The following DDX10 variants were observed in gnomAD, a reference collection of about 807,000 sequenced individuals.
DDX10 encodes the protein probable ATP-dependent RNA helicase DDX10.
In DDX10, 74 loss-of-function variants were observed where a neutral mutation model predicts 104.3. The ratio of observed to expected loss-of-function variants is 0.71; its 90% confidence interval spans 0.59 to 0.86. The LOEUF is 0.86. DDX10 is among the 40% of genes least tolerant of loss of function. The pLI, the probability that DDX10 is intolerant of heterozygous loss-of-function variation, is 0.00. For synonymous variants in DDX10, 351 were observed against 353.4 expected (o/e 0.99, Z 0.08); for missense variants, 952 against 1,040.0 (o/e 0.92, Z 1.16).
At chr11:108,702,989 TATA>T (rs1392401520) in intron 9 of DDX10, among the ~76,000 whole-genome samples, 7 of 152,216 alleles carry the variant, frequency 4.6e-5, no homozygotes. Flanking sequence ...ATAAATTAAA[TATA>T]GTATTGATAT....
chr11:108,804,758 C>T lies in DDX10; in HGVS notation c.1966-33688C>T, dbSNP rs150223547. ...GCATTTCTTTTGACAGCTGTATGAC[C>T]GAAGCCTTCACTTTTTGCTGGCTGT... On this transcript the variant is annotated intron_variant, in intron 13 of 17. Coordinates refer to ENST00000322536, the MANE Select transcript of DDX10 (RefSeq NM_004398.4). Among the ~76,000 whole-genome samples the T allele has an allele frequency of 4.2e-3, 645 of 152,194 alleles. 1 individual carries two copies. Among genetic ancestry groups the T allele is most frequent in the African/African-American group, 0.014 (601 of 41,504 alleles).
At chr11:108,737,920 T>C (rs2094320361) in intron 13 of DDX10, among the ~76,000 whole-genome samples, 1 of 152,190 alleles carries the variant, frequency 6.6e-6, no homozygotes, top group African/African-American at 2.4e-5. Flanking sequence ...CATTTTCATA[T>C]GCACTGATTT....
chr11:108,800,576 G>A (rs1238044281), intron 13 of DDX10, among the ~76,000 whole-genome samples: 1 of 151,910 alleles, frequency 6.6e-6, no homozygotes, highest in Non-Finnish European at 1.5e-5. Context: ...TAGAGTTAAA[G>A]CTCCTAATGA....
chr11:108,880,831 A>G (rs1863218615), intron 16 of DDX10, among the ~76,000 whole-genome samples: 1 of 152,218 alleles, frequency 6.6e-6, no homozygotes, highest in Admixed American at 6.5e-5. Context: ...AGTGGTACTT[A>G]AAGCTGTATT....
chr11:108,915,705 A>G (rs1031520915), intron 16 of DDX10, among the ~76,000 whole-genome samples: 3 of 152,152 alleles, frequency 2.0e-5, no homozygotes, highest in African/African-American at 7.2e-5. Context: ...TTCAGTTTTC[A>G]TATGACAACT....
chr11:108,797,807 C>A (rs1245977286), intron 13 of DDX10, among the ~76,000 whole-genome samples: 1 of 152,152 alleles, frequency 6.6e-6, no homozygotes, highest in African/African-American at 2.4e-5. Flanking sequence ...TAAAACAATT[C>A]TTTGATTTCT....
At chr11:108,890,876 C>G (rs1863367130) in intron 16 of DDX10, among the ~76,000 whole-genome samples, 2 of 152,254 alleles carry the variant, frequency 1.3e-5, no homozygotes, top group African/African-American at 4.8e-5. Flanking sequence ...CCTGTAGCAG[C>G]TGAGGTTAAG....
intron 9 of DDX10, among the ~76,000 whole-genome samples, chr11:108,694,227 A>G (rs1334900345): frequency 6.6e-6 from 1 of 152,190 alleles, no homozygotes; most frequent in Non-Finnish European, 1.5e-5. Context: ...CTGAAACCAC[A>G]GAAAGCGAAA....
intron 16 of DDX10, among the ~76,000 whole-genome samples, chr11:108,892,755 G>A (rs1863393016): frequency 6.6e-6 from 1 of 152,070 alleles, no homozygotes; most frequent in Non-Finnish European, 1.5e-5. Flanking sequence ...GGATGAGATG[G>A]GGATTGACGA....
At chr11:108,807,666 C>G (rs1476346835) in intron 13 of DDX10, among the ~76,000 whole-genome samples, 2 of 152,186 alleles carry the variant, frequency 1.3e-5, no homozygotes, top group Non-Finnish European at 2.9e-5. Flanking sequence ...GTAAGGTTGA[C>G]ATGCCTTCTA....
intron 13 of DDX10, among the ~76,000 whole-genome samples, chr11:108,734,893 G>T (rs913727479): frequency 1.3e-5 from 2 of 152,124 alleles, no homozygotes. Context: ...AAATATAATT[G>T]TACAACACTG....
At chr11:108,729,701 C>T (rs1270665167) in intron 13 of DDX10, 1 of 152,050 alleles carries the variant, frequency 6.6e-6, no homozygotes, top group African/African-American at 2.4e-5. Context: ...CCTGTAATCC[C>T]TCTGAGGTGG....
rs1345906498 is a variant in DDX10, at chr11:108,691,912, C to T, written c.1012C>T (p.Pro338Ser). 6.2e-7 allele frequency: 1 copy of T among 1,614,100 alleles called. No homozygotes were observed. The highest frequency in any genetic ancestry group is 1.3e-5 in the African/African-American group (1 of 75,026). The change falls in exon 8 of 18, where the codon CCT becomes TCT. Residue 338 changes from proline (P) to serine (S), a missense_variant. Pro to Ser is a moderately conservative substitution (Grantham distance 74, BLOSUM62 -1). Coordinates refer to ENST00000322536, the MANE Select transcript of DDX10 (RefSeq NM_004398.4). ...YLYRVFCRLRPGVSILALHGR... is the reference protein window; with the variant it reads ...YLYRVFCRLRSGVSILALHGR... ...GTACCGAGTGTTTTGCCGGCTACGTCCTGGTGTTTCTATCCTTGCACTCCA... is the reference window on the plus strand; with the variant it reads ...GTACCGAGTGTTTTGCCGGCTACGTTCTGGTGTTTCTATCCTTGCACTCCA...
chr11:108,717,758 A>G (rs1270953209), intron 11 of DDX10, among the ~76,000 whole-genome samples: 1 of 152,228 alleles, frequency 6.6e-6, no homozygotes, highest in Non-Finnish European at 1.5e-5. Context: ...CTTAGTTATG[A>G]CAAAACTGTT....
intron 13 of DDX10, among the ~76,000 whole-genome samples, chr11:108,774,688 G>A (rs187156407): frequency 4.6e-5 from 7 of 152,142 alleles, no homozygotes; most frequent in Admixed American, 6.5e-5. Flanking sequence ...TTCTTATGCT[G>A]TATTCTGTGT....
chr11:108,850,465 A>G (rs1253472894), intron 15 of DDX10, among the ~76,000 whole-genome samples: 2 of 152,182 alleles, frequency 1.3e-5, no homozygotes, highest in African/African-American at 4.8e-5. Context: ...TTGAAGTGCC[A>G]TTTTCAGACA....
chr11:108,891,917 C>T (rs1863381105), intron 16 of DDX10, among the ~76,000 whole-genome samples: 1 of 152,096 alleles, frequency 6.6e-6, no homozygotes, highest in Non-Finnish European at 1.5e-5. Context: ...ATGAGTTTCT[C>T]AGACCTAACA....
rs76048251 is a variant in DDX10 at position 108,733,333 on chromosome 11, C to T, written c.1965+9871C>T. Among the ~76,000 whole-genome samples, 169 of 152,188 alleles carry T rather than the reference C, an allele frequency of 1.1e-3. 2 individuals carry two copies. Among genetic ancestry groups the T allele is most frequent in the African/African-American group, 3.9e-3 (164 of 41,522 alleles). ...TTTTCCCTCCTTTCAGCAGCAGTTA[C>T]CTAACGGATGCCAGGGACTGTGTTA... On this transcript the variant is annotated intron_variant, in intron 13 of 17. Coordinates refer to ENST00000322536, the MANE Select transcript of DDX10 (RefSeq NM_004398.4).
chr11:108,936,478 G>A (rs926665111), intron 17 of DDX10, among the ~76,000 whole-genome samples: 1 of 151,866 alleles, frequency 6.6e-6, no homozygotes, highest in African/African-American at 2.4e-5. Context: ...AGTAATACAG[G>A]CTCATTACAG....
Sources: gnomAD v4.1 joint callset for allele counts (sites outside exome capture counted in the v4.1 genomes callset) on GRCh38, gnomAD v4.1.1 for gene constraint, MANE v1.5 for transcripts, NCBI Gene and HGNC (gene_info 2026-07-23, HGNC 2026-07-21) for gene names.